GABARAPL1: variants seen among roughly 807,000 people sequenced by gnomAD.
The protein encoded by GABARAPL1 is GABA type A receptor associated protein like 1.
Under a neutral mutation model 14.5 loss-of-function variants are expected in GABARAPL1, and 4 were observed. The observed-to-expected ratio is 0.28, with a 90% CI of 0.14 to 0.63. GABARAPL1 has a LOEUF of 0.63. GABARAPL1 is among the 30% of genes least tolerant of loss of function. GABARAPL1 has a pLI of 0.84. For synonymous variants in GABARAPL1, 47 were observed against 50.6 expected (o/e 0.93, Z 0.30); for missense variants, 82 against 139.2 (o/e 0.59, Z 2.07).
chr12:10,214,281 C>G (rs1170182132), intron 1 of GABARAPL1: 1 of 159,764 alleles, frequency 6.3e-6, no homozygotes, highest in Non-Finnish European at 1.4e-5. Flanking sequence ...GGTTTCTTCT[C>G]TAATCCTTAC....
At chr12:10,221,071 A>C in intron 3 of GABARAPL1, 1 of 985,410 alleles carries the variant, frequency 1.0e-6, no homozygotes, top group Non-Finnish European at 1.2e-6. Context: ...ATGAACTCTG[A>C]AGTTTTGGCT....
rs1408476694 is a variant in GABARAPL1, at chr12:10,222,591, T to A, written c.*739T>A. On this transcript the variant is annotated 3_prime_UTR_variant, in exon 4 of 4. Transcript: ENST00000266458. ...ATCCCTGTCTAACCTGCTCTTTCTC[T>A]TTGGTGCCCCTTATCTCACCCCTTC... 1 of 152,336 alleles carries A rather than the reference T, an allele frequency of 6.6e-6. No homozygotes were observed. Among genetic ancestry groups the A allele is most frequent in the African/African-American group, 2.4e-5 (1 of 41,462 alleles). The allele number at this position is 152,336 out of a possible 1,614,324, so 9.4% of individuals were successfully genotyped here.
intron 1 of GABARAPL1, among the ~76,000 whole-genome samples, chr12:10,215,600 C>G (rs1232364349): frequency 6.6e-6 from 1 of 152,042 alleles, no homozygotes; most frequent in Non-Finnish European, 1.5e-5. Flanking sequence ...TACCCCTCCC[C>G]CTTCTCTTCC....
At chr12:10,216,537 CTTTTTTTTTT>C (rs71049067) in intron 1 of GABARAPL1, among the ~76,000 whole-genome samples, 1 of 112,212 alleles carries the variant, frequency 8.9e-6, no homozygotes, top group Non-Finnish European at 1.8e-5. Flanking sequence ...ATTTTCTTTT[CTTTTTTTTTT>C]TTTTTTTTTG....
In GABARAPL1 at chr12:10,221,929, G is replaced by A; in HGVS notation, c.*77G>A. Reference sequence around the variant, plus strand: ...GGTGTGTGTGCGCGACATGGGGAAAGAGGGTGGCTCCCACCGCAAGGAGAC... The same window carrying A: ...GGTGTGTGTGCGCGACATGGGGAAAAAGGGTGGCTCCCACCGCAAGGAGAC... On this transcript the variant is annotated 3_prime_UTR_variant, in exon 4 of 4. Coordinates refer to ENST00000266458, the MANE Select transcript of GABARAPL1 (RefSeq NM_031412.4). The A allele has an allele frequency of 1.5e-6, 2 of 1,351,114 alleles. No individual in the cohort carries two copies. The highest frequency in any genetic ancestry group is 2.1e-6 in the Non-Finnish European group (2 of 946,622). 83.7% of individuals were successfully genotyped at this position (1,351,114 alleles called of 1,614,324 possible). A position where few individuals can be genotyped will look rare whatever the true frequency, so the allele number is the denominator to read the frequency against.
intron 1 of GABARAPL1, chr12:10,213,738 T>C: frequency 2.5e-6 from 1 of 395,058 alleles, no homozygotes; most frequent in South Asian, 1.7e-5. Context: ...TCAGTAATTT[T>C]CTTGCATTAC....
Position 10,213,045 on chromosome 12 carries a change from T to G in GABARAPL1, c.-85T>G, listed in dbSNP as rs1949066378. The G allele has an allele frequency of 1.3e-6, 1 of 777,700 alleles. No homozygotes were observed. The highest frequency in any genetic ancestry group is 1.5e-5 in the South Asian group (1 of 66,960). The allele number at this position is 777,700 out of a possible 1,614,324, so 48.2% of individuals were successfully genotyped here. ...TTTCTGCAGCTATTCTGAGCACACC[T>G]TGACGTCGGCTGAGGGAGCGGGACA... is the stretch of plus-strand genomic sequence containing the variant. On this transcript the variant is annotated 5_prime_UTR_variant, in exon 1 of 4. Transcript: ENST00000266458.
At chr12:10,216,920 T>TA (rs1949093871) in intron 1 of GABARAPL1, among the ~76,000 whole-genome samples, 1 of 152,202 alleles carries the variant, frequency 6.6e-6, no homozygotes, top group Non-Finnish European at 1.5e-5. Context: ...TTTAGTGTAT[T>TA]AAAAATATCT....
At chr12:10,215,898 GT>G (rs34055825) in intron 1 of GABARAPL1, among the ~76,000 whole-genome samples, 117,783 of 147,730 alleles carry the variant, frequency 0.8, 48,058 homozygotes, top group Non-Finnish European at 0.89. Context: ...TGTTTTTGTT[GT>G]TTTTTTTTTT....
intron 3 of GABARAPL1, 56 bp downstream of exon 3, chr12:10,220,614 T>C (rs1372190215): frequency 6.2e-6 from 10 of 1,612,316 alleles, no homozygotes; most frequent in Non-Finnish European, 8.5e-6. Context: ...TGGCATCCTC[T>C]AGCCCTTGTT....
intron 3 of GABARAPL1, chr12:10,220,910 A>G (rs1949117538): frequency 1.5e-6 from 2 of 1,360,032 alleles, no homozygotes; most frequent in South Asian, 2.0e-5. Flanking sequence ...GGTTGGTAGC[A>G]TGTAATTTGT....
At chr12:10,218,332 G>A (rs903301257) in intron 2 of GABARAPL1, among the ~76,000 whole-genome samples, 191 bp downstream of exon 2, 1 of 152,196 alleles carries the variant, frequency 6.6e-6, no homozygotes, top group Non-Finnish European at 1.5e-5. Context: ...CCAGCACTTT[G>A]GGAGACTGAG....
intron 1 of GABARAPL1, 58 bp downstream of exon 1, chr12:10,213,277 G>A (rs1314371759): frequency 9.9e-6 from 11 of 1,113,928 alleles, no homozygotes; most frequent in Non-Finnish European, 1.5e-5. Flanking sequence ...GCGGGGGCGG[G>A]TAGTCGAGAT....
intron 2 of GABARAPL1, among the ~76,000 whole-genome samples, chr12:10,219,983 G>A (rs1949111617): frequency 6.6e-6 from 1 of 152,178 alleles, no homozygotes; most frequent in African/African-American, 2.4e-5. Context: ...CTTGTTTAAT[G>A]CCCCAACACT....
chr12:10,216,346 G>T (rs1334707866), intron 1 of GABARAPL1, among the ~76,000 whole-genome samples: 1 of 151,688 alleles, frequency 6.6e-6, no homozygotes, highest in Non-Finnish European at 1.5e-5. Context: ...ACGCCAGCCC[G>T]GGCGACACAT....
At chr12:10,217,339 G>A (rs1302487603) in intron 1 of GABARAPL1, among the ~76,000 whole-genome samples, 3 of 152,112 alleles carry the variant, frequency 2.0e-5, no homozygotes, top group Non-Finnish European at 2.9e-5. Context: ...TTTAAACCAC[G>A]TTATTGGTAC....
intron 2 of GABARAPL1, among the ~76,000 whole-genome samples, chr12:10,218,842 G>C (rs1949104579): frequency 6.6e-6 from 1 of 151,542 alleles, no homozygotes; most frequent in African/African-American, 2.4e-5. Flanking sequence ...CCGAGTAGCT[G>C]GGATTGCAGG....
At chr12:10,219,045 G>C (rs186884651) in intron 2 of GABARAPL1, among the ~76,000 whole-genome samples, 1 of 151,946 alleles carries the variant, frequency 6.6e-6, no homozygotes, top group Non-Finnish European at 1.5e-5. Flanking sequence ...TTGGCTGGGG[G>C]TGGTGGCTCA....
intron 2 of GABARAPL1, among the ~76,000 whole-genome samples, chr12:10,218,729 A>G (rs1297201896): frequency 6.6e-6 from 1 of 151,392 alleles, no homozygotes; most frequent in Middle Eastern, 3.2e-3. Flanking sequence ...ATTATTTGAG[A>G]TGGAGTTTCA....
Sources: allele counts gnomAD v4.1 joint callset (sites outside exome capture counted in the v4.1 genomes callset), GRCh38; gene constraint gnomAD v4.1.1; transcripts MANE v1.5; gene names NCBI Gene and HGNC (gene_info 2026-07-23, HGNC 2026-07-21).